The following TWSG1 variants were observed in gnomAD, a reference collection of about 807,000 sequenced individuals.
TWSG1 encodes the protein twisted gastrulation protein homolog 1.
TWSG1 carries 15 observed loss-of-function variants against 23.0 expected under a neutral mutation model. The ratio of observed to expected loss-of-function variants is 0.65; its 90% CI spans 0.44 to 1.00. The LOEUF (loss-of-function observed/expected upper bound fraction) is 1.00, where lower values mean the gene tolerates loss of function less well. Ranked by LOEUF, TWSG1 falls within the 50% of genes least tolerant of loss-of-function variation. The pLI is 0.00. For synonymous variants in TWSG1, 86 were observed against 92.8 expected (o/e 0.93, Z 0.42); for missense variants, 242 against 278.7 (o/e 0.87, Z 0.94).
intron 3 of TWSG1, among the ~76,000 whole-genome samples, chr18:9,379,451 G>A (rs893194924): frequency 1.4e-4 from 22 of 152,038 alleles, no homozygotes; most frequent in Admixed American, 5.9e-4. Flanking sequence ...TGTTCTCATT[G>A]AGCTAAATAA....
chr18:9,359,869 A>T, intron 2 of TWSG1, 103 bp from the exon 3 acceptor site: 1 of 741,662 alleles, frequency 1.3e-6, no homozygotes, highest in Non-Finnish European at 2.3e-6. Flanking sequence ...TGTGAAGAAT[A>T]CATTACTGTA....
chr18:9,343,492 G>A (rs752612761), intron 2 of TWSG1, among the ~76,000 whole-genome samples: 8 of 151,522 alleles, frequency 5.3e-5, no homozygotes, highest in Non-Finnish European at 1.2e-4. Context: ...TTGGCATATC[G>A]ACAGACTTGT....
chr18:9,396,501 T>G lies in TWSG1; in HGVS notation c.445T>G (p.Ser149Ala), dbSNP rs1166260049. ...GAACCAGCCACACCACCAGAATGTG[T>G]CTGTCCCCAGCAATAATGTTCACGC... ...TVNQPHHQNV[S>A]VPSNNVHAPY... Residue 149 changes from serine (S) to alanine (A), a missense_variant, in exon 4 of 5, where the codon TCT becomes GCT. Transcript: ENST00000262120. 6.2e-7 allele frequency: 1 copy of G among 1,614,018 alleles called. No individual in the cohort carries two copies. Among genetic ancestry groups the G allele is most frequent in the African/African-American group, 1.3e-5 (1 of 75,064 alleles).
chr18:9,337,682 A>G (rs895907161), intron 2 of TWSG1, among the ~76,000 whole-genome samples: 1 of 152,172 alleles, frequency 6.6e-6, no homozygotes, highest in African/African-American at 2.4e-5. Context: ...ATGTATTTAG[A>G]AAAAAAATTA....
At chr18:9,358,885 A>G (rs1482472338) in intron 2 of TWSG1, among the ~76,000 whole-genome samples, 3 of 152,194 alleles carry the variant, frequency 2.0e-5, no homozygotes, top group East Asian at 1.9e-4. Context: ...ATAAATATAT[A>G]TGGTATCTTA....
At chr18:9,376,090 T>G (rs779972007) in intron 3 of TWSG1, among the ~76,000 whole-genome samples, 4 of 152,134 alleles carry the variant, frequency 2.6e-5, no homozygotes, top group Non-Finnish European at 5.9e-5. Flanking sequence ...AATTTTTTTG[T>G]ATTTTTATTA....
At position 9,385,579 on chromosome 18, in the gene TWSG1, C is replaced by T. The variant is rs1314901062; in HGVS notation, c.224-10701C>T. On this transcript the variant is annotated intron_variant, in intron 3 of 4. Coordinates refer to ENST00000262120, the MANE Select transcript of TWSG1 (RefSeq NM_020648.6). ...TGGCGGGCGCCTGTAGTCCCAGCTACTCGGGAGGCTGAGGCAGGAGAATGG... is the reference window on the plus strand; with the variant it reads ...TGGCGGGCGCCTGTAGTCCCAGCTATTCGGGAGGCTGAGGCAGGAGAATGG... Among the ~76,000 whole-genome samples the T allele has an allele frequency of 2.1e-5, 2 of 93,288 alleles. 1 individual carries two copies. The highest frequency in any genetic ancestry group is 4.3e-5 in the Non-Finnish European group (2 of 46,596). The allele number at this position is 93,288 out of a possible 152,430, so 61.2% of individuals were successfully genotyped here.
chr18:9,377,391 G>C (rs546471485), intron 3 of TWSG1, among the ~76,000 whole-genome samples: 26 of 151,930 alleles, frequency 1.7e-4, no homozygotes, highest in Non-Finnish European at 2.9e-4. Context: ...GCTAATTTTT[G>C]TATTTTTAGT....
chr18:9,399,506 A>G lies in TWSG1; in HGVS notation c.651A>G (p.Lys217=). ...TTGACTATGGTAGTAAAACTGTCAA[A>G]TGTATGAACTGCATGTTTTAAAGAA... ...ECIDYGSKTV[K]CMNCMF is the part of the protein sequence containing the mutation. Residue 217 remains lysine, a synonymous_variant, in exon 5 of 5, where the codon AAA becomes AAG. Coordinates refer to ENST00000262120, the MANE Select transcript of TWSG1 (RefSeq NM_020648.6). 3 of 1,606,664 alleles carry G rather than the reference A, an allele frequency of 1.9e-6. No homozygotes were observed. Among genetic ancestry groups the G allele is most frequent in the African/African-American group, 1.3e-5 (1 of 74,566 alleles).
At chr18:9,344,747 G>T (rs7233751) in intron 2 of TWSG1, among the ~76,000 whole-genome samples, 100,285 of 150,826 alleles carry the variant, frequency 0.66, 33,768 homozygotes, top group Middle Eastern at 0.75. Context: ...GCTCTTTTTT[G>T]TGTGTGTGTG....
At chr18:9,393,831 G>A (rs1230440257) in intron 3 of TWSG1, among the ~76,000 whole-genome samples, 3 of 152,172 alleles carry the variant, frequency 2.0e-5, no homozygotes, top group Non-Finnish European at 2.9e-5. Flanking sequence ...AAAGTGCTGG[G>A]ATTAAAGGCA....
In TWSG1 at chr18:9,337,360, T is replaced by G; in HGVS notation, c.123+8T>G. 6.2e-7 allele frequency: 1 copy of G among 1,611,788 alleles called. No homozygotes were observed. Among genetic ancestry groups the G allele is most frequent in the Non-Finnish European group, 8.5e-7 (1 of 1,179,326 alleles). On this transcript the variant is annotated splice_region_variant and intron_variant, in intron 2 of 4. Coordinates refer to ENST00000262120, the MANE Select transcript of TWSG1 (RefSeq NM_020648.6). ...AGCAAATGCCTCATTCAGGTAGGAC[T>G]AAGAGTACTTTTATTAATATCAAAA...
At chr18:9,396,111 TG>T (rs2040733707) in intron 3 of TWSG1, among the ~76,000 whole-genome samples, 168 bp from the exon 4 acceptor site, 1 of 130,564 alleles carries the variant, frequency 7.7e-6, no homozygotes, top group African/African-American at 3.0e-5. Context: ...TTGAAGCTAC[TG>T]GGGTAGAAGA....
At chr18:9,357,795 CCTT>C (rs760020031) in intron 2 of TWSG1, among the ~76,000 whole-genome samples, 27 of 151,540 alleles carry the variant, frequency 1.8e-4, no homozygotes, top group East Asian at 1.6e-3. Flanking sequence ...GGGATTCTCT[CCTT>C]CTTGGCTAGT....
intron 3 of TWSG1, among the ~76,000 whole-genome samples, chr18:9,366,852 G>T (rs983016032): frequency 6.6e-6 from 1 of 152,118 alleles, no homozygotes; most frequent in Non-Finnish European, 1.5e-5. Flanking sequence ...TTTGAAATAT[G>T]TATACATTGT....
At chr18:9,335,495 G>C (rs974356661) in intron 1 of TWSG1, among the ~76,000 whole-genome samples, 3 of 152,226 alleles carry the variant, frequency 2.0e-5, no homozygotes, top group Admixed American at 6.5e-5. Flanking sequence ...AGATGAATTT[G>C]TGGAACATTT....
chr18:9,399,233 A>G, intron 4 of TWSG1, 113 bp from the exon 5 acceptor site: 3 of 643,726 alleles, frequency 4.7e-6, no homozygotes, highest in Non-Finnish European at 7.7e-6. Context: ...TGTACAGACC[A>G]GTAATAAGAG....
intron 3 of TWSG1, among the ~76,000 whole-genome samples, chr18:9,383,148 T>C (rs1055101784): frequency 1.3e-5 from 2 of 151,294 alleles, no homozygotes; most frequent in Non-Finnish European, 2.9e-5. Context: ...TGGAAACTCA[T>C]TGGAGAGTGT....
chr18:9,374,809 T>C (rs1464529925), intron 3 of TWSG1, among the ~76,000 whole-genome samples: 1 of 152,146 alleles, frequency 6.6e-6, no homozygotes, highest in Non-Finnish European at 1.5e-5. Flanking sequence ...TGTATAAAAA[T>C]TACACTTTGA....
Sources: allele counts gnomAD v4.1 joint callset (sites outside exome capture counted in the v4.1 genomes callset), GRCh38; gene constraint gnomAD v4.1.1; transcripts MANE v1.5; gene names NCBI Gene and HGNC (gene_info 2026-07-23, HGNC 2026-07-21).